The following VSIG1 variants were observed in gnomAD, a reference collection of about 807,000 sequenced individuals.
The protein encoded by VSIG1 is V-set and immunoglobulin domain-containing protein 1.
VSIG1 carries 11 observed loss-of-function variants against 20.1 expected under a neutral mutation model. That is an observed-to-expected ratio of 0.55 (90% CI 0.34 to 0.91). VSIG1 has a LOEUF of 0.91. Ranked by LOEUF, VSIG1 falls within the 40% of genes least tolerant of loss-of-function variation. The pLI is 0.02. For missense variants in VSIG1, 283 were observed against 298.8 expected (o/e 0.95, Z 0.39); for synonymous variants, 126 against 116.7 (o/e 1.08, Z -0.52).
intron 3 of VSIG1, among the ~76,000 whole-genome samples, chrX:108,068,993 C>T (rs2031187322): frequency 1.8e-5 from 2 of 111,250 alleles, no homozygotes; most frequent in Non-Finnish European, 3.8e-5. Flanking sequence ...TACTGGAGAT[C>T]AAAGGGGTTT....
intron 3 of VSIG1, among the ~76,000 whole-genome samples, chrX:108,069,704 G>A (rs1053572894): frequency 1.8e-5 from 2 of 111,970 alleles, no homozygotes; most frequent in African/African-American, 6.5e-5. Context: ...CTGAGCACAC[G>A]TGCCAGTTAC....
intron 1 of VSIG1, among the ~76,000 whole-genome samples, chrX:108,047,881 TATATACACAC>T (rs2030647560): frequency 1.8e-5 from 1 of 56,047 alleles, no homozygotes; most frequent in African/African-American, 1.0e-4. Flanking sequence ...CACATATATA[TATATACACAC>T]ATATATATAT....
chrX:108,021,623 T>C, the VSIG1 span, among the ~76,000 whole-genome samples: 1 of 112,563 alleles, frequency 8.9e-6, no homozygotes, highest in East Asian at 2.8e-4. Context: ...TAGGAAAACA[T>C]TGCCTAATCC....
chrX:108,074,696 G>A (rs187074198), intron 5 of VSIG1, among the ~76,000 whole-genome samples: 2 of 111,808 alleles, frequency 1.8e-5, no homozygotes, highest in Admixed American at 1.9e-4. Flanking sequence ...TATAGAACTG[G>A]GATGGCTTTA....
At position 108,053,995 on chromosome X, in the gene VSIG1, G is replaced by A. The variant is rs187542252; in HGVS notation, c.50-4043G>A. On this transcript the variant is annotated intron_variant, in intron 1 of 6. Coordinates refer to ENST00000217957, the MANE Select transcript of VSIG1 (RefSeq NM_182607.5). ...GAATATATCTCCCTGGAATAAGGGG[G>A]AACTACTCTATATGCTATTCACAAG... 5.9e-3 allele frequency among the ~76,000 whole-genome samples: 658 copies of A among 111,416 alleles called. 4 individuals are homozygous for A. Among genetic ancestry groups the A allele is most frequent in the African/African-American group, 0.021 (631 of 30,735 alleles).
upstream of VSIG1, among the ~76,000 whole-genome samples, chrX:108,042,369 T>G (rs1432451876): frequency 1.8e-5 from 2 of 112,139 alleles, no homozygotes; most frequent in African/African-American, 6.5e-5. Flanking sequence ...AAGCTCTTAC[T>G]TAGCACCTAC....
At chrX:108,039,368 A>AT in the VSIG1 span, among the ~76,000 whole-genome samples, 3,718 of 109,545 alleles carry the variant, frequency 0.034, 146 homozygotes, top group African/African-American at 0.12. Flanking sequence ...TTCTTTTTGT[A>AT]TTTTTTGTAG....
At chrX:108,023,793 G>A in the VSIG1 span, among the ~76,000 whole-genome samples, 4 of 112,098 alleles carry the variant, frequency 3.6e-5, no homozygotes, top group Non-Finnish European at 7.5e-5. Flanking sequence ...AGAAATAAAT[G>A]AGGGAAGCTT....
rs2030688074 is a variant in VSIG1, at chrX:108,047,971, T to TATATATATACAC, written c.49+2801_49+2802insCACATATATATA. ...ATATATATACACACACATATATATA[T>TATATATATACAC]ATATATATATATATATATATATATA... On this transcript the variant is annotated intron_variant, in intron 1 of 6. Coordinates refer to ENST00000217957, the MANE Select transcript of VSIG1 (RefSeq NM_182607.5). Among the ~76,000 whole-genome samples, 10 of 57,727 alleles carry TATATATATACAC rather than the reference T, an allele frequency of 1.7e-4. 1 individual carries two copies. The highest frequency in any genetic ancestry group is 6.7e-4 in the African/African-American group (9 of 13,394). 50.1% of individuals were successfully genotyped at this position (57,727 alleles called of 115,157 possible).
the VSIG1 span, among the ~76,000 whole-genome samples, chrX:108,022,972 C>T: frequency 9.8e-5 from 11 of 112,117 alleles, no homozygotes; most frequent in Admixed American, 3.8e-4. Context: ...GTAAAAGCTT[C>T]CTGAGGCTCT....
chrX:108,067,081 A>G lies in VSIG1; in HGVS notation c.359A>G (p.Asn120Ser), dbSNP rs1404549751. Residue 120 changes from asparagine to serine, a missense_variant, in exon 3 of 7, where the codon AAC becomes AGC. Coordinates refer to ENST00000217957, the MANE Select transcript of VSIG1 (RefSeq NM_182607.5). ...DSGIYICDVN[N>S]PPDFLGQNQG... ...GGAATTTACATCTGCGATGTTAACA[A>G]CCCCCCAGACTTTCTCGGCCAAAAC... is the stretch of plus-strand genomic sequence containing the variant. The G allele has an allele frequency of 8.3e-7, 1 of 1,208,918 alleles. No homozygotes were observed. Among genetic ancestry groups the G allele is most frequent in the African/African-American group, 1.8e-5 (1 of 56,812 alleles).
intron 3 of VSIG1, among the ~76,000 whole-genome samples, chrX:108,069,377 G>A (rs1222865045): frequency 9.0e-6 from 1 of 111,364 alleles, no homozygotes; most frequent in East Asian, 2.8e-4. Context: ...TTGTTAATTG[G>A]GCAAAGAACA....
At chrX:108,073,757 A>C in intron 5 of VSIG1, 1 of 123,072 alleles carries the variant, frequency 8.1e-6, no homozygotes. Flanking sequence ...CACTAATAAT[A>C]ATAGTATTAT....
In VSIG1 at chrX:108,077,157, AC is replaced by A; in HGVS notation, c.942del (p.Ile315SerfsTer59). Reference protein sequence around the residue: ...PSSIHETGPDTIQEPDYEPKP... With the variant: ...PSSIHETGPDXIQEPDYEPKP... ...TTCCATTCATGAGACTGGCCCTGAT[AC>A]CATCCAAGAACCAGACTATGAGCCA... On this transcript the variant is annotated frameshift_variant, in exon 7 of 7. Transcript: ENST00000217957. LOFTEE classifies it low-confidence loss of function (END_TRUNC). The A allele has an allele frequency of 8.3e-7, 1 of 1,211,941 alleles. No individual in the cohort carries two copies. The highest frequency in any genetic ancestry group is 1.1e-6 in the Non-Finnish European group (1 of 895,574).
In VSIG1 at chrX:108,066,903, T is replaced by A. The variant is rs763686969; in HGVS notation, c.214-33T>A. On this transcript the variant is annotated intron_variant, in intron 2 of 6. Coordinates refer to ENST00000217957, the MANE Select transcript of VSIG1 (RefSeq NM_182607.5). ...TAGCTTATCCTAGTCCTGGACTCTC[T>A]CCAGTTCTCACTTCTGTTATTTTTC... The A allele has an allele frequency of 5.9e-6, 7 of 1,179,966 alleles. No homozygotes were observed. In the African/African-American group the frequency reaches 1.1e-4, roughly 18 times the overall value.
At chrX:108,071,800 G>A (rs1226709561) in intron 3 of VSIG1, among the ~76,000 whole-genome samples, 2 of 106,359 alleles carry the variant, frequency 1.9e-5, no homozygotes, top group Non-Finnish European at 3.9e-5. Flanking sequence ...GCTGAGTAGC[G>A]TGCACCCCCC....
chrX:108,047,903 T>C (rs371958736), intron 1 of VSIG1, among the ~76,000 whole-genome samples: 4,034 of 16,987 alleles, frequency 0.24, 695 homozygotes, highest in Non-Finnish European at 0.29. Context: ...TATATATATA[T>C]ACACATATAT....
intron 1 of VSIG1, among the ~76,000 whole-genome samples, chrX:108,055,024 G>A (rs1382446481): frequency 1.8e-5 from 2 of 108,725 alleles, no homozygotes; most frequent in Non-Finnish European, 3.8e-5. Context: ...ACAAAAATTT[G>A]CTTTTCTGAA....
rs761840933 is a variant in VSIG1, at chrX:108,060,741, C to G, written c.213+2540C>G. ...TCCGTTTCCAATCTTTAAAATGGGG[C>G]TACTTACCTATCTCATAGGTTGAAT... On this transcript the variant is annotated intron_variant, in intron 2 of 6. Coordinates refer to ENST00000217957, the MANE Select transcript of VSIG1 (RefSeq NM_182607.5). Among the ~76,000 whole-genome samples, 4 of 112,202 alleles carry G rather than the reference C, an allele frequency of 3.6e-5. No homozygotes were observed. In the East Asian group the frequency reaches 1.1e-3, roughly 32 times the overall value.
Sources: gnomAD v4.1 joint callset for allele counts (sites outside exome capture counted in the v4.1 genomes callset) on GRCh38, gnomAD v4.1.1 for gene constraint, MANE v1.5 for transcripts, NCBI Gene and HGNC (gene_info 2026-07-23, HGNC 2026-07-21) for gene names.